Variants in GRIK4 observed in about 807,000 individuals in gnomAD.
GRIK4 encodes the protein glutamate ionotropic receptor kainate type subunit 4, also known as glutamate receptor ionotropic, kainate 4.
GRIK4 carries 40 observed loss-of-function variants against 104.9 expected under a neutral mutation model. That is an observed-to-expected ratio of 0.38 (90% confidence interval 0.30 to 0.50). The LOEUF is 0.50. GRIK4 is among the 20% of genes least tolerant of loss of function. The pLI, the probability that GRIK4 is intolerant of heterozygous loss-of-function variation, is 0.93. For synonymous variants in GRIK4, 485 were observed against 524.9 expected (o/e 0.92, Z 1.04); for missense variants, 1,047 against 1,308.1 (o/e 0.80, Z 3.08).
intron 12 of GRIK4, among the ~76,000 whole-genome samples, chr11:120,899,407 T>G (rs1592057655): frequency 1.6e-5 from 2 of 122,456 alleles, no homozygotes; most frequent in Non-Finnish European, 3.2e-5. Context: ...GGTGACAGAG[T>G]GAGACTGTCT....
At chr11:120,753,832 G>A (rs1951604831) in intron 3 of GRIK4, among the ~76,000 whole-genome samples, 2 of 152,268 alleles carry the variant, frequency 1.3e-5, no homozygotes, top group East Asian at 1.9e-4. Flanking sequence ...CCCATTTAAA[G>A]TGCACAGTGT....
chr11:120,797,428 T>C (rs942876085), intron 3 of GRIK4, among the ~76,000 whole-genome samples: 2 of 152,186 alleles, frequency 1.3e-5, no homozygotes, highest in Non-Finnish European at 2.9e-5. Context: ...GCTGCTCTCC[T>C]TCATTCATCT....
At chr11:120,724,531 G>C (rs776647925) in intron 3 of GRIK4, among the ~76,000 whole-genome samples, 46 of 152,278 alleles carry the variant, frequency 3.0e-4, no homozygotes, top group Non-Finnish European at 5.0e-4. Flanking sequence ...TATTGGCATT[G>C]AATGTGCCCG....
chr11:120,811,555 G>C (rs1024680914), intron 4 of GRIK4, among the ~76,000 whole-genome samples: 5 of 152,144 alleles, frequency 3.3e-5, no homozygotes, highest in Admixed American at 1.3e-4. Context: ...GTTCCCGTAA[G>C]AGTGCTTCGA....
intron 4 of GRIK4, among the ~76,000 whole-genome samples, chr11:120,804,046 T>G (rs1438757949): frequency 6.6e-6 from 1 of 152,182 alleles, no homozygotes; most frequent in Non-Finnish European, 1.5e-5. Flanking sequence ...TGTATTACCT[T>G]GACAACTTTA....
rs1023500390 is a variant in GRIK4 at position 120,682,611 on chromosome 11, A to G, written c.82+22211A>G. The stretch of plus-strand genomic sequence containing the variant: ...CCCATCTTTTTTTTTTTTTTTTCCC[A>G]TCTGGCCAACTCCTATTTATCCTAC... On this transcript the variant is annotated intron_variant, in intron 3 of 20. Coordinates refer to ENST00000527524, the MANE Select transcript of GRIK4 (RefSeq NM_014619.5). Among the ~76,000 whole-genome samples, 7 of 135,484 alleles carry G rather than the reference A, an allele frequency of 5.2e-5. No individual in the cohort carries two copies. In the South Asian group the frequency reaches 7.0e-4, roughly 13 times the overall value. 88.9% of individuals were successfully genotyped at this position (135,484 alleles called of 152,430 possible).
intron 1 of GRIK4, among the ~76,000 whole-genome samples, chr11:120,578,889 G>T (rs1157545685): frequency 2.0e-5 from 3 of 152,216 alleles, no homozygotes; most frequent in African/African-American, 2.4e-5. Flanking sequence ...AGCCCCATGG[G>T]TGGCTGGGTT....
chr11:120,657,869 T>A, intron 2 of GRIK4, among the ~76,000 whole-genome samples: 1 of 152,160 alleles, frequency 6.6e-6, no homozygotes, highest in East Asian at 1.9e-4. Flanking sequence ...ACCCCATAAG[T>A]TTACAGCTCA....
chr11:120,820,359 T>G (rs1030912852), intron 6 of GRIK4, among the ~76,000 whole-genome samples: 7 of 152,152 alleles, frequency 4.6e-5, no homozygotes, highest in African/African-American at 1.4e-4. Flanking sequence ...CATTTGTACT[T>G]GATGGGTTGA....
At chr11:120,572,694 C>A (rs1948416851) in intron 1 of GRIK4, among the ~76,000 whole-genome samples, 1 of 152,182 alleles carries the variant, frequency 6.6e-6, no homozygotes, top group African/African-American at 2.4e-5. Flanking sequence ...TAAATAAAAT[C>A]CACTGATAAT....
At chr11:120,947,864 C>T (rs1943900325) in intron 14 of GRIK4, among the ~76,000 whole-genome samples, 1 of 152,132 alleles carries the variant, frequency 6.6e-6, no homozygotes, top group Non-Finnish European at 1.5e-5. Flanking sequence ...TCAGCAAGTC[C>T]AGGTCAATGC....
At chr11:120,625,600 T>C (rs1308753952) in intron 1 of GRIK4, among the ~76,000 whole-genome samples, 1 of 151,998 alleles carries the variant, frequency 6.6e-6, no homozygotes. Flanking sequence ...CTCCTTTCAG[T>C]GGGCATAGCT....
intron 9 of GRIK4, among the ~76,000 whole-genome samples, chr11:120,866,142 A>G (rs1236595594): frequency 6.6e-6 from 1 of 152,144 alleles, no homozygotes; most frequent in Non-Finnish European, 1.5e-5. Flanking sequence ...CAAACAAACC[A>G]TGGCAGAGTG....
In GRIK4 at chr11:120,836,773, C is replaced by A; in HGVS notation, c.691-18C>A. ...AGTTTTTGTTTTCTTCTCTAATCTCCTTCTCTTCGCCTTGCAGGCAGCCGA... is the reference window on the plus strand; with the variant it reads ...AGTTTTTGTTTTCTTCTCTAATCTCATTCTCTTCGCCTTGCAGGCAGCCGA... On this transcript the variant is annotated intron_variant, in intron 7 of 20. Transcript: ENST00000527524. 6.3e-7 allele frequency: 1 copy of A among 1,580,026 alleles called. No homozygotes were observed.
chr11:120,674,445 G>T (rs373436348), intron 3 of GRIK4, among the ~76,000 whole-genome samples: 124 of 152,328 alleles, frequency 8.1e-4, no homozygotes, highest in African/African-American at 2.9e-3. Context: ...GTTGGGCTTT[G>T]CTTTCAGTAG....
intron 1 of GRIK4, among the ~76,000 whole-genome samples, chr11:120,542,155 A>G (rs1443968696): frequency 6.6e-6 from 1 of 152,236 alleles, no homozygotes; most frequent in Non-Finnish European, 1.5e-5. Context: ...AAATCCACAC[A>G]TATGTGGTCA....
chr11:120,976,217 G>T (rs902297885), intron 19 of GRIK4, among the ~76,000 whole-genome samples: 8 of 152,156 alleles, frequency 5.3e-5, no homozygotes, highest in Non-Finnish European at 1.0e-4. Context: ...CTCATATTTT[G>T]ATGGATTATA....
chr11:120,679,247 G>A (rs2135282793), intron 3 of GRIK4, among the ~76,000 whole-genome samples: 1 of 152,288 alleles, frequency 6.6e-6, no homozygotes. Flanking sequence ...TCCAAGCCCT[G>A]TCTGCCTCTG....
chr11:120,711,002 A>C (rs76282176), intron 3 of GRIK4, among the ~76,000 whole-genome samples: 11 of 133,658 alleles, frequency 8.2e-5, no homozygotes, highest in African/African-American at 9.2e-5. Context: ...TGAGGTGGGG[A>C]GGGGGTGTGA....
Sources: allele counts gnomAD v4.1 joint callset (sites outside exome capture counted in the v4.1 genomes callset), GRCh38; gene constraint gnomAD v4.1.1; transcripts MANE v1.5; gene names NCBI Gene and HGNC (gene_info 2026-07-23, HGNC 2026-07-21).